ZC3H12B: variants seen among roughly 807,000 people sequenced by gnomAD.
The protein encoded by ZC3H12B is probable ribonuclease ZC3H12B.
ZC3H12B carries 7 observed loss-of-function variants against 43.9 expected under a neutral mutation model. The ratio of observed to expected loss-of-function variants is 0.16; its 90% confidence interval spans 0.09 to 0.30. The LOEUF (loss-of-function observed/expected upper bound fraction) is 0.30. Among genes scored for constraint, ZC3H12B ranks in the 10% least tolerant of loss-of-function variants. The pLI is 1.00. For synonymous variants in ZC3H12B, 222 were observed against 241.7 expected, an observed-to-expected ratio of 0.92 and a Z score of 0.76; for missense variants, 475 against 670.2, an observed-to-expected ratio of 0.71 and a Z score of 3.22.
rs929968537 is a variant in ZC3H12B at position 65,433,875 on chromosome X, G to A, written n.407+35171G>A. ...TCTGAATTCTGAGAATTGATTGAAG[G>A]GTCATGATTCTCTGATTTTATGCTT... On this transcript the variant is annotated intron_variant and non_coding_transcript_variant, in intron 3 of 5. Transcript: ENST00000617377. Among the ~76,000 whole-genome samples the A allele has an allele frequency of 4.5e-5, 5 of 111,706 alleles. No homozygotes were observed. The East Asian group carries it at 1.1e-3, about 25-fold the overall frequency.
chrX:65,188,426 C>G, the ZC3H12B span, among the ~76,000 whole-genome samples: 4 of 93,584 alleles, frequency 4.3e-5, no homozygotes, highest in Non-Finnish European at 8.3e-5. Context: ...AATTTACATT[C>G]TCACTAACAG....
At chrX:65,450,853 A>G (rs1330435161) in intron 3 of ZC3H12B, among the ~76,000 whole-genome samples, 4 of 87,165 alleles carry the variant, frequency 4.6e-5, no homozygotes, top group Non-Finnish European at 8.6e-5. Flanking sequence ...ATATATATAC[A>G]TATGTGTATA....
At chrX:65,065,162 G>T in the ZC3H12B span, among the ~76,000 whole-genome samples, 2 of 110,208 alleles carry the variant, frequency 1.8e-5, no homozygotes, top group East Asian at 5.7e-4. Flanking sequence ...ATATTGTTTT[G>T]TTTGAATTGG....
chrX:65,096,315 C>T, the ZC3H12B span, among the ~76,000 whole-genome samples: 1 of 111,008 alleles, frequency 9.0e-6, no homozygotes, highest in Admixed American at 9.6e-5. Flanking sequence ...ACCACTATGG[C>T]ACACGTTTAC....
rs763144313 is a variant in ZC3H12B, at chrX:65,476,483, G to A, written n.408-12163G>A. 6.3e-5 allele frequency among the ~76,000 whole-genome samples: 7 copies of A among 111,774 alleles called. No homozygotes were observed. In the South Asian group the frequency reaches 2.6e-3, roughly 42 times the overall value. The stretch of plus-strand genomic sequence containing the variant: ...ACACACTCAAGAAAGAGGCGTGCAG[G>A]CATATTCAAGAGTCAGTCACACAAT... On this transcript the variant is annotated intron_variant and non_coding_transcript_variant, in intron 3 of 5. Transcript: ENST00000617377.
the ZC3H12B span, among the ~76,000 whole-genome samples, chrX:65,091,141 C>G: frequency 1.8e-5 from 2 of 111,343 alleles, no homozygotes; most frequent in African/African-American, 6.6e-5. Context: ...TGGACTAATA[C>G]AGCTCTATTG....
chrX:65,192,833 T>C, the ZC3H12B span, among the ~76,000 whole-genome samples: 2 of 111,484 alleles, frequency 1.8e-5, no homozygotes, highest in Non-Finnish European at 3.8e-5. Context: ...CTCGCTCTAT[T>C]GCTGGGCTGG....
chrX:65,458,801 T>C, intron 3 of ZC3H12B, among the ~76,000 whole-genome samples: 1 of 110,721 alleles, frequency 9.0e-6, no homozygotes, highest in African/African-American at 3.3e-5. Context: ...TTGAAAGAAC[T>C]AGAGAAGCAA....
At chrX:65,335,837 G>T in the ZC3H12B span, among the ~76,000 whole-genome samples, 4 of 112,054 alleles carry the variant, frequency 3.6e-5, no homozygotes, top group Non-Finnish European at 7.5e-5. Flanking sequence ...TCCCTGGATG[G>T]CAGAGACCAA....
In ZC3H12B at chrX:65,457,026, T is replaced by G. The variant is rs746255712; in HGVS notation, n.408-31620T>G. 1.1e-3 allele frequency among the ~76,000 whole-genome samples: 113 copies of G among 99,173 alleles called. 1 individual carries two copies. The highest frequency in any genetic ancestry group is 4.1e-3 in the African/African-American group (110 of 26,791). 86.1% of individuals were successfully genotyped at this position (99,173 alleles called of 115,157 possible). On this transcript the variant is annotated intron_variant and non_coding_transcript_variant, in intron 3 of 5. Coordinates refer to the ZC3H12B transcript ENST00000617377. ...GCCTCTTCCCCGCTGCCATCCCATC[T>G]AGGAAGTGAGGAGCGTCTCTGCCCG...
At chrX:65,365,592 A>C (rs1009701502), upstream of ZC3H12B, among the ~76,000 whole-genome samples, 9 of 110,700 alleles carry the variant, frequency 8.1e-5, no homozygotes, top group Non-Finnish European at 1.7e-4. Context: ...ACCATCCCCC[A>C]AAATTTTTGC....
chrX:65,200,461 A>G, the ZC3H12B span, among the ~76,000 whole-genome samples: 5 of 80,352 alleles, frequency 6.2e-5, no homozygotes, highest in South Asian at 2.5e-3. Flanking sequence ...GACACAGAGT[A>G]TCACTGAGTT....
chrX:65,184,338 T>C, the ZC3H12B span, among the ~76,000 whole-genome samples: 1 of 111,388 alleles, frequency 9.0e-6, no homozygotes, highest in Non-Finnish European at 1.9e-5. Flanking sequence ...CCATGTTATA[T>C]TTTACAGAGT....
chrX:65,217,775 T>G, the ZC3H12B span, among the ~76,000 whole-genome samples: 3 of 110,473 alleles, frequency 2.7e-5, no homozygotes, highest in Non-Finnish European at 5.7e-5. Flanking sequence ...AAAATGGAAA[T>G]AGAAAGAATA....
the ZC3H12B span, among the ~76,000 whole-genome samples, chrX:65,350,660 AC>A: frequency 1.8e-5 from 2 of 112,180 alleles, no homozygotes; most frequent in Non-Finnish European, 3.8e-5. Flanking sequence ...TGCAAAAATT[AC>A]AAGCATTTCT....
chrX:65,292,694 A>G, the ZC3H12B span, among the ~76,000 whole-genome samples: 201 of 111,278 alleles, frequency 1.8e-3, 1 homozygote, highest in Admixed American at 5.3e-3. Flanking sequence ...GAAATCAGTA[A>G]TGGAAAGAGG....
chrX:65,179,427 A>G, the ZC3H12B span, among the ~76,000 whole-genome samples: 1 of 110,974 alleles, frequency 9.0e-6, no homozygotes, highest in Admixed American at 9.7e-5. Flanking sequence ...AAGATCTAAA[A>G]AAGGGCTAGA....
At chrX:65,164,218 G>T in the ZC3H12B span, among the ~76,000 whole-genome samples, 1 of 111,418 alleles carries the variant, frequency 9.0e-6, no homozygotes, top group Admixed American at 9.6e-5. Context: ...AGAGAATGCT[G>T]ATTGGTTGGG....
the ZC3H12B span, among the ~76,000 whole-genome samples, chrX:65,147,740 C>T: frequency 9.0e-6 from 1 of 110,918 alleles, no homozygotes; most frequent in Non-Finnish European, 1.9e-5. Flanking sequence ...TATCCCTGAA[C>T]CCAACGTCTA....
Sources: gnomAD v4.1 joint callset for allele counts (sites outside exome capture counted in the v4.1 genomes callset) on GRCh38, gnomAD v4.1.1 for gene constraint, MANE v1.5 for transcripts, NCBI Gene and HGNC (gene_info 2026-07-23, HGNC 2026-07-21) for gene names.